NCOA1: variants seen among roughly 807,000 people sequenced by gnomAD.
NCOA1 encodes the protein nuclear receptor coactivator 1.
In NCOA1, 35 loss-of-function variants were observed where a neutral mutation model predicts 150.9. The observed-to-expected ratio is 0.23, with a 90% CI of 0.18 to 0.31. The LOEUF is 0.31. Among genes scored for constraint, NCOA1 ranks in the 10% least tolerant of loss-of-function variants. The pLI is 1.00. For synonymous variants in NCOA1, 590 were observed against 630.0 expected, an observed-to-expected ratio of 0.94 and a Z score of 0.95; for missense variants, 1,491 against 1,749.3, an observed-to-expected ratio of 0.85 and a Z score of 2.63.
intron 3 of NCOA1, among the ~76,000 whole-genome samples, chr2:24,608,283 T>TATTATG (rs1668461669): frequency 1.4e-5 from 2 of 144,762 alleles, no homozygotes; most frequent in Admixed American, 1.4e-4. Context: ...TTATTATTAT[T>TATTATG]ATTATTATTA....
intron 2 of NCOA1, among the ~76,000 whole-genome samples, chr2:24,574,526 C>T (rs770026348): frequency 2.0e-5 from 3 of 151,960 alleles, no homozygotes; most frequent in Non-Finnish European, 4.4e-5. Context: ...GAAATTAAAA[C>T]AATTGAGAAA....
intron 3 of NCOA1, among the ~76,000 whole-genome samples, chr2:24,615,535 C>T (rs367916237): frequency 6.6e-6 from 1 of 152,140 alleles, no homozygotes; most frequent in Non-Finnish European, 1.5e-5. Flanking sequence ...TAGTCTAGGA[C>T]GTTGTTGATG....
At chr2:24,682,631 T>C (rs924051275) in intron 7 of NCOA1, among the ~76,000 whole-genome samples, 3 of 152,174 alleles carry the variant, frequency 2.0e-5, no homozygotes, top group Non-Finnish European at 4.4e-5. Context: ...GGAATGTTCT[T>C]CCTTCAATCC....
At chr2:24,576,163 GTTTTTTGTTTTTTTTTTTTTTTTTT>G (rs1157399832) in intron 2 of NCOA1, among the ~76,000 whole-genome samples, 3,681 of 92,918 alleles carry the variant, frequency 0.04, 118 homozygotes, top group African/African-American at 0.056. Flanking sequence ...TTTTTTTTTT[GTTTTTTGTTTTTTTTTTTTTTTTTT>G]TTTGTTTGCT....
At chr2:24,739,633 C>G (rs1185651148) in intron 18 of NCOA1, 100 bp downstream of exon 18, 1 of 802,800 alleles carries the variant, frequency 1.2e-6, no homozygotes, top group African/African-American at 1.7e-5. Context: ...GTGAGCTGAT[C>G]TTTTAATGAT....
chr2:24,569,795 T>A lies in NCOA1; in HGVS notation c.-260+5365T>A, dbSNP rs1456595671. ...CGAGGCAGGAGAATCGCTTGAACCC[T>A]GGGGGCGGAGGTTGCAGTGAGCCAA... On this transcript the variant is annotated intron_variant, in intron 2 of 22. Transcript: ENST00000348332. Among the ~76,000 whole-genome samples the A allele has an allele frequency of 6.8e-5, 10 of 148,126 alleles. No individual in the cohort carries two copies. In the Admixed American group the frequency reaches 6.8e-4, roughly 10 times the overall value.
At chr2:24,690,817 A>G (rs991160903) in intron 8 of NCOA1, among the ~76,000 whole-genome samples, 1 of 152,084 alleles carries the variant, frequency 6.6e-6, no homozygotes, top group Non-Finnish European at 1.5e-5. Flanking sequence ...TTTTTCCTAT[A>G]CTGGATCAGG....
At chr2:24,741,325 AAC>A (rs573644181) in intron 18 of NCOA1, among the ~76,000 whole-genome samples, 105 of 152,320 alleles carry the variant, frequency 6.9e-4, no homozygotes, top group Admixed American at 1.7e-3. Flanking sequence ...CTTTACCAGA[AAC>A]ACAGTAAATT....
At chr2:24,656,974 A>G (rs1670977821) in intron 4 of NCOA1, among the ~76,000 whole-genome samples, 2 of 152,230 alleles carry the variant, frequency 1.3e-5, no homozygotes, top group Non-Finnish European at 2.9e-5. Flanking sequence ...TCCTTTGGAC[A>G]TATGCATATT....
At chr2:24,577,710 G>A (rs761950855) in intron 2 of NCOA1, among the ~76,000 whole-genome samples, 13 of 152,288 alleles carry the variant, frequency 8.5e-5, no homozygotes, top group Admixed American at 7.8e-4. Context: ...ATAGTACTTT[G>A]TAAAATGCAA....
At chr2:24,512,088 C>T (rs564724875) in intron 1 of NCOA1, among the ~76,000 whole-genome samples, 15 of 152,176 alleles carry the variant, frequency 9.9e-5, no homozygotes, top group African/African-American at 1.2e-4. Context: ...TTGCACTTAT[C>T]GTAGAATGTG....
chr2:24,725,561 G>C (rs1674572668), intron 14 of NCOA1, among the ~76,000 whole-genome samples: 1 of 152,026 alleles, frequency 6.6e-6, no homozygotes, highest in South Asian at 2.1e-4. Context: ...GAGATACCAG[G>C]GGTTAGGACT....
intron 1 of NCOA1, among the ~76,000 whole-genome samples, chr2:24,538,622 A>G (rs990279051): frequency 1.1e-4 from 17 of 152,190 alleles, no homozygotes; most frequent in Admixed American, 7.2e-4. Context: ...CACCACCTCT[A>G]AATGTCTGTA....
intron 1 of NCOA1, among the ~76,000 whole-genome samples, chr2:24,520,409 C>T (rs988202867): frequency 6.6e-6 from 1 of 152,134 alleles, no homozygotes; most frequent in African/African-American, 2.4e-5. Flanking sequence ...GAATAGTACT[C>T]ATCAATAAAA....
rs565569862 is a variant in NCOA1, at chr2:24,516,759, C to G, written c.-396+25157C>G. Among the ~76,000 whole-genome samples the G allele has an allele frequency of 2.2e-4, 33 of 150,100 alleles. No individual in the cohort carries two copies. In the South Asian group the frequency reaches 7.0e-3, roughly 32 times the overall value. Reference sequence around the variant, plus strand: ...CTTTCTCTCTTATACCTCTGTTACTCCCATTGCTGTGAAGTTGCCTCTCTG... The same window carrying G: ...CTTTCTCTCTTATACCTCTGTTACTGCCATTGCTGTGAAGTTGCCTCTCTG... On this transcript the variant is annotated intron_variant, in intron 1 of 22. Transcript: ENST00000348332.
chr2:24,730,871 CAAAAAAAAAA>C (rs35975198), intron 17 of NCOA1, among the ~76,000 whole-genome samples: 4 of 61,904 alleles, frequency 6.5e-5, no homozygotes, highest in South Asian at 7.7e-4. Flanking sequence ...ACTAAAAGTA[CAAAAAAAAAA>C]AAAAAAAAAA....
chr2:24,671,035 C>G (rs996108464), intron 6 of NCOA1, among the ~76,000 whole-genome samples: 2 of 152,110 alleles, frequency 1.3e-5, no homozygotes, highest in African/African-American at 4.8e-5. Flanking sequence ...AAATTTCACT[C>G]TAGTATTTAT....
chr2:24,583,248 C>T (rs142034053), intron 2 of NCOA1, among the ~76,000 whole-genome samples: 238 of 152,152 alleles, frequency 1.6e-3, no homozygotes, highest in Middle Eastern at 6.8e-3. Flanking sequence ...GGCTAATGAT[C>T]TGACTAGACA....
intron 3 of NCOA1, among the ~76,000 whole-genome samples, chr2:24,595,032 T>C (rs1468388582): frequency 6.6e-6 from 1 of 152,074 alleles, no homozygotes; most frequent in African/African-American, 2.4e-5. Flanking sequence ...ATTTTTCTTA[T>C]AGTTTTATTA....
Sources: allele counts gnomAD v4.1 joint callset (sites outside exome capture counted in the v4.1 genomes callset), GRCh38; gene constraint gnomAD v4.1.1; transcripts MANE v1.5; gene names NCBI Gene and HGNC (gene_info 2026-07-23, HGNC 2026-07-21).